UBR3: variants seen among roughly 807,000 people sequenced by gnomAD.
UBR3 encodes the protein E3 ubiquitin-protein ligase UBR3.
A neutral mutation model predicts 243.2 loss-of-function variants in UBR3; 85 were observed. That is an observed-to-expected ratio of 0.35 (90% CI 0.29 to 0.42). UBR3 has a LOEUF of 0.42. Among genes scored for constraint, UBR3 ranks in the 10% least tolerant of loss-of-function variants. The probability of loss-of-function intolerance (pLI) is 1.00; values close to 1 mark genes in which losing one functional copy is unlikely to be tolerated. For synonymous variants in UBR3, 748 were observed against 799.8 expected, an observed-to-expected ratio of 0.94 and a Z score of 1.09; for missense variants, 1,686 against 2,300.8, an observed-to-expected ratio of 0.73 and a Z score of 5.47.
chr2:169,917,887 G>A lies in UBR3; in HGVS notation c.1866+3741G>A, dbSNP rs958457671. Reference sequence around the variant, plus strand: ...CCAGCTAATTTTTGTATTTTTAGTAGAGATGGGGTTTCACCATGTCAGCCA... The same window carrying A: ...CCAGCTAATTTTTGTATTTTTAGTAAAGATGGGGTTTCACCATGTCAGCCA... On this transcript the variant is annotated intron_variant, in intron 11 of 38. Transcript: ENST00000272793. 1.3e-4 allele frequency among the ~76,000 whole-genome samples: 20 copies of A among 152,118 alleles called. 1 individual carries two copies. Among genetic ancestry groups the A allele is most frequent in the African/African-American group, 4.8e-4 (20 of 41,436 alleles).
chr2:169,897,958 C>T (rs2084654707), intron 8 of UBR3, among the ~76,000 whole-genome samples: 1 of 152,046 alleles, frequency 6.6e-6, no homozygotes, highest in Admixed American at 6.5e-5. Context: ...GAAAGTTAAG[C>T]AATTTGCCAT....
At chr2:170,064,096 A>T (rs1412870469) in intron 35 of UBR3, among the ~76,000 whole-genome samples, 3 of 152,312 alleles carry the variant, frequency 2.0e-5, no homozygotes, top group East Asian at 3.9e-4. Flanking sequence ...TATTTCTCTA[A>T]TTATAAATGC....
chr2:169,922,008 T>A (rs1253605167), intron 11 of UBR3, among the ~76,000 whole-genome samples: 1 of 151,668 alleles, frequency 6.6e-6, no homozygotes, highest in Non-Finnish European at 1.5e-5. Context: ...GCACCTAGGC[T>A]GGGCCTGGTG....
chr2:169,861,606 CAAA>C (rs56963417), intron 1 of UBR3, among the ~76,000 whole-genome samples: 5 of 92,100 alleles, frequency 5.4e-5, no homozygotes, highest in Admixed American at 1.2e-4. Flanking sequence ...GACTCTGTCT[CAAA>C]AAAAAAAAAA....
intron 11 of UBR3, among the ~76,000 whole-genome samples, chr2:169,917,617 G>A (rs1055656000): frequency 2.6e-5 from 4 of 152,324 alleles, no homozygotes; most frequent in African/African-American, 9.6e-5. Flanking sequence ...GGAAGATATT[G>A]AATGTTATCA....
At chr2:170,045,436 T>C (rs1030698800) in intron 32 of UBR3, among the ~76,000 whole-genome samples, 7 of 152,106 alleles carry the variant, frequency 4.6e-5, no homozygotes, top group Non-Finnish European at 1.0e-4. Context: ...GTTGCTGTTC[T>C]TGAGGAGCTT....
In UBR3 at chr2:169,994,464, C is replaced by T. The variant is rs1451028407; in HGVS notation, c.3918+8C>T. ...CAGCGTTATTTTAAGGATGTAAGTACTCTTTATAAAATAGTACTTTTGTCT... is the reference window on the plus strand; with the variant it reads ...CAGCGTTATTTTAAGGATGTAAGTATTCTTTATAAAATAGTACTTTTGTCT... On this transcript the variant is annotated splice_region_variant and intron_variant, in intron 26 of 38. Transcript: ENST00000272793. 4 of 1,611,114 alleles carry T rather than the reference C, an allele frequency of 2.5e-6. No homozygotes were observed. The Admixed American group carries it at 5.0e-5, about 20-fold the overall frequency.
chr2:169,833,225 C>G (rs1417733022), intron 1 of UBR3, among the ~76,000 whole-genome samples: 1 of 152,126 alleles, frequency 6.6e-6, no homozygotes, highest in Non-Finnish European at 1.5e-5. Context: ...GTTCAAGGGT[C>G]AACTGTAATG....
At position 169,920,099 on chromosome 2, in the gene UBR3, G is replaced by A. The variant is rs549856862; in HGVS notation, c.1867-3830G>A. Reference sequence around the variant, plus strand: ...TGATAGAGTGGATTAAGAAAACGTGGCAGATATACGCCATGGAATATGTGT... The same window carrying A: ...TGATAGAGTGGATTAAGAAAACGTGACAGATATACGCCATGGAATATGTGT... On this transcript the variant is annotated intron_variant, in intron 11 of 38. Transcript: ENST00000272793. Among the ~76,000 whole-genome samples the A allele has an allele frequency of 1.6e-4, 24 of 152,270 alleles. No homozygotes were observed. The South Asian group carries it at 5.0e-3, about 32-fold the overall frequency.
intron 1 of UBR3, among the ~76,000 whole-genome samples, chr2:169,834,039 C>T (rs2082014458): frequency 6.6e-6 from 1 of 152,224 alleles, no homozygotes; most frequent in Admixed American, 6.5e-5. Flanking sequence ...CTACCTGCCT[C>T]AGCCTCCCAA....
intron 1 of UBR3, among the ~76,000 whole-genome samples, chr2:169,831,127 A>ATATATATATTTT (rs1450878762): frequency 8.9e-5 from 5 of 56,464 alleles, no homozygotes; most frequent in African/African-American, 4.5e-4. Context: ...ATATATATAT[A>ATATATATATTTT]TTTTTTTTTT....
chr2:170,013,216 A>T (rs1380271783), intron 29 of UBR3, among the ~76,000 whole-genome samples: 1 of 152,118 alleles, frequency 6.6e-6, no homozygotes, highest in Admixed American at 6.6e-5. Context: ...GGGACATATG[A>T]CCCATTTGTG....
At chr2:169,927,208 A>C in intron 16 of UBR3, 112 bp from the exon 17 acceptor site, 2 of 1,083,668 alleles carry the variant, frequency 1.8e-6, no homozygotes, top group Non-Finnish European at 2.6e-6. Context: ...TTTACTCTTT[A>C]ATTTGAAGCA....
At chr2:169,907,036 CTTTTTTTTTTT>C (rs36078695) in intron 10 of UBR3, among the ~76,000 whole-genome samples, 12 of 112,360 alleles carry the variant, frequency 1.1e-4, no homozygotes, top group African/African-American at 4.1e-4. Context: ...AAATTTCTTT[CTTTTTTTTTTT>C]TTTTTTTTTT....
chr2:169,879,649 A>T (rs1306379594), intron 5 of UBR3, among the ~76,000 whole-genome samples: 1 of 152,208 alleles, frequency 6.6e-6, no homozygotes. Flanking sequence ...TAATAATAGT[A>T]CTTATTTCAT....
intron 35 of UBR3, among the ~76,000 whole-genome samples, chr2:170,066,993 T>TAATAATAATAATAATAATAAAAAA (rs71006067): frequency 2.0e-4 from 29 of 144,270 alleles, no homozygotes; most frequent in South Asian, 6.6e-4. Context: ...ATAATAATAA[T>TAATAATAATAATAATAATAAAAAA]AAACTTCATT....
chr2:169,934,684 T>G (rs1480244977), intron 19 of UBR3, among the ~76,000 whole-genome samples: 1 of 152,254 alleles, frequency 6.6e-6, no homozygotes. Flanking sequence ...AATGGTCAGA[T>G]AAATTTAAAC....
At chr2:170,000,841 T>G (rs1239990704) in intron 26 of UBR3, among the ~76,000 whole-genome samples, 2 of 152,174 alleles carry the variant, frequency 1.3e-5, no homozygotes, top group Non-Finnish European at 2.9e-5. Context: ...AAAAAGATCC[T>G]TAGAAGGAAG....
chr2:169,942,565 C>T lies in UBR3; in HGVS notation c.2736C>T (p.Ser912=). 1 of 1,550,598 alleles carries T rather than the reference C, an allele frequency of 6.4e-7. No homozygotes were observed. Among genetic ancestry groups the T allele is most frequent in the Non-Finnish European group, 8.7e-7 (1 of 1,146,654 alleles). ...AGAAAAGGACATCACTCCATCCTAGCTATAAAGGTCTTATGAGACTTTTGC... is the reference window on the plus strand; with the variant it reads ...AGAAAAGGACATCACTCCATCCTAGTTATAAAGGTCTTATGAGACTTTTGC... ...PYKKRTSLHP[S]YKGLMRLLHC... is the part of the protein sequence containing the mutation. The change falls in exon 20 of 39, where the codon AGC becomes AGT. Residue 912 remains serine, a synonymous_variant. Coordinates refer to ENST00000272793, the MANE Select transcript of UBR3 (RefSeq NM_172070.4).
Sources: gnomAD v4.1 joint callset for allele counts (sites outside exome capture counted in the v4.1 genomes callset) on GRCh38, gnomAD v4.1.1 for gene constraint, MANE v1.5 for transcripts, NCBI Gene and HGNC (gene_info 2026-07-23, HGNC 2026-07-21) for gene names.